PLCB4: variants seen among roughly 807,000 people sequenced by gnomAD.
PLCB4 encodes phospholipase C beta 4, also known as 1-phosphatidylinositol 4,5-bisphosphate phosphodiesterase beta-4.
Under a neutral mutation model 178.8 loss-of-function variants are expected in PLCB4, and 77 were observed. The ratio of observed to expected loss-of-function variants is 0.43; its 90% confidence interval spans 0.36 to 0.52. PLCB4 has a LOEUF of 0.52. Among genes scored for constraint, PLCB4 ranks in the 20% least tolerant of loss-of-function variants. The pLI is 0.00. For synonymous variants in PLCB4, 496 were observed against 490.8 expected (o/e 1.01, Z -0.14); for missense variants, 1,024 against 1,453.4 (o/e 0.70, Z 4.80).
chr20:9,362,904 A>C lies in PLCB4; in HGVS notation c.378A>C (p.Val126=). The change falls in exon 8 of 40, where the codon GTA becomes GTC. Residue 126 remains valine, a synonymous_variant. Coordinates refer to ENST00000378473, the MANE Select transcript of PLCB4 (RefSeq NM_001377142.1). ...AENPEVTKQW[V]EGLRSIIHNF... ...TTTTCTTTCTCTTTCAGCAATGGGT[A>C]GAAGGCCTGAGATCAATCATACACA... 6.2e-7 allele frequency: 1 copy of C among 1,610,690 alleles called. No individual in the cohort carries two copies. The highest frequency in any genetic ancestry group is 8.5e-7 in the Non-Finnish European group (1 of 1,176,990).
chr20:9,323,872 G>T (rs920880673), intron 4 of PLCB4, among the ~76,000 whole-genome samples: 5 of 152,158 alleles, frequency 3.3e-5, no homozygotes, highest in African/African-American at 1.2e-4. Flanking sequence ...GTTCTCAGCT[G>T]TACTGCAAGC....
intron 2 of PLCB4, among the ~76,000 whole-genome samples, chr20:9,175,010 C>A (rs114679855): frequency 3.5e-4 from 53 of 152,226 alleles, no homozygotes; most frequent in African/African-American, 1.2e-3. Context: ...AAATAGATTT[C>A]TTTTTAGTTG....
intron 34 of PLCB4, among the ~76,000 whole-genome samples, chr20:9,459,406 G>T (rs1033534861): frequency 6.6e-6 from 1 of 152,070 alleles, no homozygotes; most frequent in Admixed American, 6.6e-5. Context: ...AGTAAAATAA[G>T]GGTTCACAGT....
At chr20:9,090,685 A>G (rs998539669) in intron 1 of PLCB4, among the ~76,000 whole-genome samples, 13 of 152,202 alleles carry the variant, frequency 8.5e-5, no homozygotes, top group Admixed American at 2.6e-4. Context: ...CTGCACGTTC[A>G]TCACAGACTG....
intron 28 of PLCB4, among the ~76,000 whole-genome samples, chr20:9,426,979 C>T (rs1366751373): frequency 1.3e-5 from 2 of 152,054 alleles, no homozygotes; most frequent in Non-Finnish European, 2.9e-5. Flanking sequence ...AATCCCAGCA[C>T]TTTGGGAGGC....
At position 9,444,229 on chromosome 20, in the gene PLCB4, A is replaced by G. The variant is rs2042273656; in HGVS notation, c.2866A>G (p.Lys956Glu). The change falls in exon 32 of 40, where the codon AAG becomes GAG. Residue 956 changes from lysine (K) to glutamate (E), a missense_variant. Physicochemically the swap from Lys to Glu is moderately conservative, Grantham distance 56. Around this residue, in one of 7 missense-constraint regions of PLCB4, gnomAD observed 227 missense variants for 374.3 expected, o/e 0.61. Coordinates refer to ENST00000378473, the MANE Select transcript of PLCB4 (RefSeq NM_001377142.1). ...KQQKELNSLK[K>E]KHAKEHSTMQ... is the part of the protein sequence containing the mutation. ...GCAGAAGGAGCTAAATTCTTTAAAG[A>G]AGAAACATGCAAAGGTACAGTGCTC... 2 of 1,595,456 alleles carry G rather than the reference A, an allele frequency of 1.3e-6. No individual in the cohort carries two copies. Among genetic ancestry groups the G allele is most frequent in the African/African-American group, 1.3e-5 (1 of 74,466 alleles).
intron 3 of PLCB4, among the ~76,000 whole-genome samples, chr20:9,252,532 A>G (rs1344318072): frequency 6.6e-6 from 1 of 152,188 alleles, no homozygotes; most frequent in African/African-American, 2.4e-5. Flanking sequence ...AGTGGGGTAC[A>G]GGCATTCATT....
intron 32 of PLCB4, among the ~76,000 whole-genome samples, chr20:9,452,979 A>G (rs1235171427): frequency 6.6e-6 from 1 of 152,228 alleles, no homozygotes; most frequent in Non-Finnish European, 1.5e-5. Context: ...CAATGTGTGG[A>G]AGGGGCAGTA....
chr20:9,448,402 G>A (rs919947227), intron 32 of PLCB4, among the ~76,000 whole-genome samples: 7 of 152,032 alleles, frequency 4.6e-5, no homozygotes, highest in Non-Finnish European at 2.9e-5. Context: ...CCCTACTAGT[G>A]TGCCCCTGGC....
chr20:9,458,541 G>C (rs2043194071), intron 34 of PLCB4, among the ~76,000 whole-genome samples: 1 of 152,194 alleles, frequency 6.6e-6, no homozygotes, highest in Non-Finnish European at 1.5e-5. Context: ...TACTTCTGCT[G>C]ATTTTGGCTG....
At chr20:9,263,136 G>T (rs919084103) in intron 3 of PLCB4, among the ~76,000 whole-genome samples, 1 of 152,128 alleles carries the variant, frequency 6.6e-6, no homozygotes, top group Non-Finnish European at 1.5e-5. Flanking sequence ...GAAGCTGATC[G>T]GCTCATGTGC....
Position 9,375,293 on chromosome 20 carries a change from A to G in PLCB4, c.744+2189A>G, listed in dbSNP as rs977397777. ...ACCCCTTGGGCAGAACAACTTCAAT[A>G]CTCATAACAAAAGGAGACAGACAGA... On this transcript the variant is annotated intron_variant, in intron 12 of 39. Transcript: ENST00000378473. 3.9e-5 allele frequency among the ~76,000 whole-genome samples: 6 copies of G among 152,080 alleles called. No individual in the cohort carries two copies. In the East Asian group the frequency reaches 5.8e-4, roughly 15 times the overall value.
At chr20:9,252,401 GT>G (rs1464933384) in intron 3 of PLCB4, among the ~76,000 whole-genome samples, 1 of 152,182 alleles carries the variant, frequency 6.6e-6, no homozygotes, top group East Asian at 1.9e-4. Context: ...GCATATTAAA[GT>G]TTGAGAAATT....
intron 12 of PLCB4, among the ~76,000 whole-genome samples, chr20:9,375,202 C>T (rs894631903): frequency 1.1e-4 from 17 of 152,106 alleles, no homozygotes; most frequent in African/African-American, 3.9e-4. Flanking sequence ...GAACATTCTG[C>T]CTGTTCCTTG....
In PLCB4 at chr20:9,456,191, G is replaced by A. The variant is rs554769489; in HGVS notation, c.2997-1223G>A. ...TAAAAAGTTAGTGAAAGGGGAAACT[G>A]TGACAGTCCTTGGAGCTTTCTCATG... On this transcript the variant is annotated intron_variant, in intron 33 of 39. Transcript: ENST00000378473. Among the ~76,000 whole-genome samples the A allele has an allele frequency of 1.7e-3, 262 of 152,290 alleles. 2 individuals are homozygous for A. In the South Asian group the frequency reaches 0.022, roughly 13 times the overall value.
chr20:9,207,151 A>G (rs767107114), intron 2 of PLCB4, among the ~76,000 whole-genome samples: 2 of 152,140 alleles, frequency 1.3e-5, no homozygotes, highest in Non-Finnish European at 2.9e-5. Context: ...CCAATACCCA[A>G]AACAAACGAT....
At chr20:9,192,842 G>A (rs866028417) in intron 2 of PLCB4, among the ~76,000 whole-genome samples, 6 of 151,976 alleles carry the variant, frequency 3.9e-5, no homozygotes, top group Admixed American at 6.6e-5. Flanking sequence ...TAATAGCAGA[G>A]CTTTAATTCA....
intron 28 of PLCB4, among the ~76,000 whole-genome samples, chr20:9,427,867 C>G (rs116633297): frequency 1.3e-5 from 2 of 152,098 alleles, no homozygotes; most frequent in Non-Finnish European, 2.9e-5. Context: ...TGTCACTCCC[C>G]GCTGTGTTTC....
chr20:9,416,363 T>C (rs551307724), intron 25 of PLCB4, among the ~76,000 whole-genome samples: 2 of 152,240 alleles, frequency 1.3e-5, no homozygotes, highest in African/African-American at 2.4e-5. Context: ...CCAAGGAGAT[T>C]CAGAACTGGA....
Sources: gnomAD v4.1 joint callset for allele counts (sites outside exome capture counted in the v4.1 genomes callset) on GRCh38, gnomAD v4.1.1 for gene constraint, gnomAD v4.1.1 regional missense constraint, MANE v1.5 for transcripts, NCBI Gene and HGNC (gene_info 2026-07-23, HGNC 2026-07-21) for gene names.